DST: variants seen among roughly 807,000 people sequenced by gnomAD.
DST encodes dystonin, also known as bullous pemphigoid antigen.
A neutral mutation model predicts 875.2 loss-of-function variants in DST; 253 were observed. The ratio of observed to expected loss-of-function variants is 0.29; its 90% confidence interval spans 0.26 to 0.32. The LOEUF is 0.32. Among genes scored for constraint, DST ranks in the 10% least tolerant of loss-of-function variants. The pLI is 1.00. For missense variants in DST, 8,287 were observed against 9,111.6 expected (o/e 0.91, Z 3.68); for synonymous variants, 3,124 against 3,197.1 (o/e 0.98, Z 0.77).
intron 4 of DST, among the ~76,000 whole-genome samples, chr6:56,766,452 G>C (rs1293014593): frequency 2.6e-5 from 4 of 151,944 alleles, no homozygotes; most frequent in Non-Finnish European, 5.9e-5. Flanking sequence ...TGGGAAGATA[G>C]CACTGCTGTC....
chr6:56,783,926 A>T (rs1458281405), intron 4 of DST, among the ~76,000 whole-genome samples: 1 of 152,102 alleles, frequency 6.6e-6, no homozygotes, highest in Non-Finnish European at 1.5e-5. Context: ...CCTGGTGGTG[A>T]CAAAATCTCT....
intron 55 of DST, among the ~76,000 whole-genome samples, chr6:56,563,621 G>A (rs931209083): frequency 6.6e-6 from 1 of 152,128 alleles, no homozygotes; most frequent in Admixed American, 6.5e-5. Context: ...TGTTGCCATT[G>A]CTTTTGGTGT....
intron 64 of DST, among the ~76,000 whole-genome samples, chr6:56,531,948 T>C (rs2096902799): frequency 6.6e-6 from 1 of 152,162 alleles, no homozygotes; most frequent in African/African-American, 2.4e-5. Flanking sequence ...TATTTCAACT[T>C]TGAGACATCA....
At chr6:56,721,623 C>A (rs2099417007) in intron 5 of DST, among the ~76,000 whole-genome samples, 2 of 152,192 alleles carry the variant, frequency 1.3e-5, no homozygotes, top group South Asian at 4.1e-4. Context: ...AAATAAAATT[C>A]TGTCTAAGTA....
chr6:56,735,852 TTTATTA>T (rs990561772), intron 4 of DST, among the ~76,000 whole-genome samples: 2 of 151,862 alleles, frequency 1.3e-5, no homozygotes, highest in African/African-American at 4.8e-5. Context: ...TAAGTAGTAA[TTTATTA>T]TTATTATTAT....
At chr6:56,610,835 G>T (rs1335976616) in intron 38 of DST, among the ~76,000 whole-genome samples, 1 of 152,122 alleles carries the variant, frequency 6.6e-6, no homozygotes, top group Non-Finnish European at 1.5e-5. Context: ...AACAATTGCT[G>T]CTATCTGACA....
intron 98 of DST, among the ~76,000 whole-genome samples, chr6:56,468,488 C>T (rs2094704993): frequency 6.6e-6 from 1 of 152,116 alleles, no homozygotes; most frequent in South Asian, 2.1e-4. Context: ...CAAATAGCTT[C>T]TTTGGAGAGA....
Position 56,640,511 on chromosome 6 carries a change from G to T in DST, c.2122C>A (p.Leu708Ile). Residue 708 changes from leucine (L) to isoleucine (I), a missense_variant, in exon 18 of 104, where the codon CTC (leucine) becomes ATC (isoleucine). Transcript: ENST00000680361. ...CTTTGAGTGATTCCTGATATCATGA[G>T]CTTTGTCTGTTCTGTTGTCAGTATG... is the stretch of plus-strand genomic sequence containing the variant. Reference protein sequence around the residue: ...GRILTTEQTKLMISGITQSLN... With the variant: ...GRILTTEQTKIMISGITQSLN... 1 of 1,614,146 alleles carries T rather than the reference G, an allele frequency of 6.2e-7. No individual in the cohort carries two copies. Among genetic ancestry groups the T allele is most frequent in the Non-Finnish European group, 8.5e-7 (1 of 1,179,982 alleles).
chr6:56,870,128 T>C (rs760441367), intron 3 of DST, among the ~76,000 whole-genome samples: 20 of 152,048 alleles, frequency 1.3e-4, no homozygotes, highest in Non-Finnish European at 1.5e-4. Flanking sequence ...ACTAGCTGGA[T>C]TTCCTAGGCC....
At chr6:56,767,666 G>T (rs1014509102) in intron 4 of DST, among the ~76,000 whole-genome samples, 2 of 151,632 alleles carry the variant, frequency 1.3e-5, no homozygotes, top group African/African-American at 4.8e-5. Flanking sequence ...AAACAAATAA[G>T]TATTAGAGGA....
intron 89 of DST, 175 bp downstream of exon 89, chr6:56,482,508 T>C: frequency 1.6e-6 from 1 of 622,928 alleles, no homozygotes; most frequent in Non-Finnish European, 2.6e-6. Context: ...TAGCAGTAAT[T>C]TAAATTCATG....
chr6:56,552,667 A>G lies in DST; in HGVS notation c.16125T>C (p.Ser5375=). 6.2e-7 allele frequency: 1 copy of G among 1,613,922 alleles called. No individual in the cohort carries two copies. The change falls in exon 61 of 104, where the codon TCT becomes TCC. Residue 5375 remains serine (S), a synonymous_variant. Transcript: ENST00000680361. ...TGCCCTGAAGCTTGGTTTCTAAGAA[A>G]GAACACTTTTCATCAACCTGCTGAC... ...TLSQQVDEKC[S]FLETKLQGIG... is the part of the protein sequence containing the mutation.
At position 56,633,057 on chromosome 6, in the gene DST, C is replaced by T; in HGVS notation, c.3622-20G>A. The T allele has an allele frequency of 6.2e-7, 1 of 1,606,004 alleles. No individual in the cohort carries two copies. The highest frequency in any genetic ancestry group is 8.5e-7 in the Non-Finnish European group (1 of 1,173,090). On this transcript the variant is annotated intron_variant, in intron 27 of 103. Transcript: ENST00000680361. Reference sequence around the variant, plus strand: ...CTTTATCTAAAGAAGACCAAAGACCCATGTAATTCATTCTATTACTCATAG... The same window carrying T: ...CTTTATCTAAAGAAGACCAAAGACCTATGTAATTCATTCTATTACTCATAG...
intron 2 of DST, among the ~76,000 whole-genome samples, chr6:56,918,560 C>A (rs1402979564): frequency 6.6e-6 from 1 of 152,158 alleles, no homozygotes; most frequent in African/African-American, 2.4e-5. Flanking sequence ...ACTAAATCTT[C>A]TTTACTTAGA....
At chr6:56,557,796 C>T (rs1451320134) in intron 58 of DST, among the ~76,000 whole-genome samples, 1 of 152,146 alleles carries the variant, frequency 6.6e-6, no homozygotes, top group African/African-American at 2.4e-5. Flanking sequence ...TGGGATCTCT[C>T]ATTCCTTCTA....
chr6:56,538,576 G>C (rs1360910597), intron 61 of DST, among the ~76,000 whole-genome samples: 2 of 152,154 alleles, frequency 1.3e-5, no homozygotes, highest in African/African-American at 4.8e-5. Context: ...AAATCCTCCA[G>C]ACTCTGGTCT....
In DST at chr6:56,603,421, C is replaced by T. The variant is rs747420649; in HGVS notation, c.10942-1G>A. ...TTGGAGCTAATCCCAATTCAAATGTCTGCAAAGAAATATATCCCGGACCTA... is the reference window on the plus strand; with the variant it reads ...TTGGAGCTAATCCCAATTCAAATGTTTGCAAAGAAATATATCCCGGACCTA... On this transcript the variant is annotated splice_acceptor_variant, in intron 41 of 103. Coordinates refer to ENST00000680361, the MANE Select transcript of DST (RefSeq NM_001374736.1). LOFTEE classifies it high-confidence loss of function. The T allele has an allele frequency of 6.2e-7, 1 of 1,609,436 alleles. No individual in the cohort carries two copies. Among genetic ancestry groups the T allele is most frequent in the Non-Finnish European group, 8.5e-7 (1 of 1,178,700 alleles).
At chr6:56,657,400 C>T (rs1035029043) in intron 10 of DST, among the ~76,000 whole-genome samples, 73 of 152,006 alleles carry the variant, frequency 4.8e-4, no homozygotes, top group African/African-American at 1.8e-3. Context: ...AATAATGAAG[C>T]CTGGAAAAGA....
rs370985918 is a variant in DST at position 56,506,392 on chromosome 6, T to C, written c.19464+51A>G. 3.8e-5 allele frequency: 55 copies of C among 1,446,338 alleles called. No homozygotes were observed. In the African/African-American group the frequency reaches 6.3e-4, roughly 17 times the overall value. 89.6% of individuals were successfully genotyped at this position (1,446,338 alleles called of 1,614,324 possible). A position where few individuals can be genotyped will look rare whatever the true frequency, so the allele number is the denominator to read the frequency against. On this transcript the variant is annotated intron_variant, in intron 77 of 103. Coordinates refer to ENST00000680361, the MANE Select transcript of DST (RefSeq NM_001374736.1). Reference sequence around the variant, plus strand: ...GTGCCAATATGTAGACATCAATTAGTACGATTCCTCCTTCCAGCTAAGACC... The same window carrying C: ...GTGCCAATATGTAGACATCAATTAGCACGATTCCTCCTTCCAGCTAAGACC...
Sources: allele counts gnomAD v4.1 joint callset (sites outside exome capture counted in the v4.1 genomes callset), GRCh38; gene constraint gnomAD v4.1.1; transcripts MANE v1.5; gene names NCBI Gene and HGNC (gene_info 2026-07-23, HGNC 2026-07-21).